LRP1B: variants seen among roughly 807,000 people sequenced by gnomAD.
LRP1B encodes LDL receptor related protein 1B, also known as low-density lipoprotein receptor-related protein 1B.
A neutral mutation model predicts 556.6 loss-of-function variants in LRP1B; 217 were observed. The ratio of observed to expected loss-of-function variants is 0.39; its 90% CI spans 0.35 to 0.44. The LOEUF (loss-of-function observed/expected upper bound fraction) is 0.44, where lower values mean the gene tolerates loss of function less well. LRP1B is among the 20% of genes least tolerant of loss of function. LRP1B has a pLI of 1.00. For missense variants in LRP1B, 5,053 were observed against 5,620.8 expected (o/e 0.90, Z 3.23); for synonymous variants, 2,047 against 1,865.8 (o/e 1.10, Z -2.50).
intron 6 of LRP1B, among the ~76,000 whole-genome samples, chr2:141,215,506 C>A (rs180676795): frequency 6.6e-6 from 1 of 152,182 alleles, no homozygotes; most frequent in African/African-American, 2.4e-5. Flanking sequence ...CAGAAGAAGA[C>A]AAGAAGATGA....
At chr2:141,020,373 T>C (rs1698030636) in intron 11 of LRP1B, among the ~76,000 whole-genome samples, 1 of 152,090 alleles carries the variant, frequency 6.6e-6, no homozygotes, top group Admixed American at 6.6e-5. Context: ...CAGATTTTAA[T>C]TGAACTTCAA....
intron 7 of LRP1B, among the ~76,000 whole-genome samples, chr2:141,085,607 C>G (rs570084233): frequency 1.3e-5 from 2 of 152,236 alleles, no homozygotes; most frequent in African/African-American, 4.8e-5. Context: ...GATCTGAGAC[C>G]AGCAGCCTTC....
chr2:141,908,192 G>GAT lies in LRP1B; in HGVS notation c.83-97793_83-97792dup, dbSNP rs1233996716. ...TTTCAATTTTGATCCCATAGCACTT[G>GAT]ATATATATATGTTATTTGTTCATTT... On this transcript the variant is annotated intron_variant, in intron 1 of 90. Transcript: ENST00000389484. 2.0e-5 allele frequency among the ~76,000 whole-genome samples: 3 copies of GAT among 152,076 alleles called. No individual in the cohort carries two copies. In the East Asian group the frequency reaches 5.8e-4, roughly 29 times the overall value.
At chr2:142,017,225 G>T (rs961462621) in intron 1 of LRP1B, among the ~76,000 whole-genome samples, 32 of 152,110 alleles carry the variant, frequency 2.1e-4, no homozygotes, top group African/African-American at 7.5e-4. Flanking sequence ...GGAAATTGAT[G>T]AAATTGATGC....
chr2:141,583,160 A>G (rs891314140), intron 2 of LRP1B, among the ~76,000 whole-genome samples: 3 of 152,102 alleles, frequency 2.0e-5, no homozygotes, highest in African/African-American at 7.2e-5. Flanking sequence ...TTATAAATTC[A>G]AGTCAAGTGA....
chr2:141,693,220 T>C (rs1458410232), intron 2 of LRP1B, among the ~76,000 whole-genome samples: 1 of 152,068 alleles, frequency 6.6e-6, no homozygotes, highest in Non-Finnish European at 1.5e-5. Context: ...CATTTTTTTC[T>C]TGCCCGTAAT....
At chr2:140,964,885 C>T (rs959637094) in intron 18 of LRP1B, among the ~76,000 whole-genome samples, 5 of 152,132 alleles carry the variant, frequency 3.3e-5, no homozygotes, top group African/African-American at 9.6e-5. Flanking sequence ...ACCCAGGAGG[C>T]GGAAGTCAAA....
chr2:140,332,880 A>G (rs1680883393), intron 79 of LRP1B, among the ~76,000 whole-genome samples: 1 of 152,118 alleles, frequency 6.6e-6, no homozygotes, highest in South Asian at 2.1e-4. Flanking sequence ...TTTAAAATAA[A>G]AACATGTTAC....
intron 26 of LRP1B, 70 bp from the exon 27 acceptor site, chr2:140,867,904 A>C (rs2105154868): frequency 7.0e-7 from 1 of 1,425,080 alleles, no homozygotes; most frequent in Non-Finnish European, 9.4e-7. Flanking sequence ...TAATCATGTA[A>C]CTCAGCTAAA....
chr2:140,798,104 G>T (rs1690380781), intron 32 of LRP1B, among the ~76,000 whole-genome samples: 1 of 151,984 alleles, frequency 6.6e-6, no homozygotes, highest in Admixed American at 6.6e-5. Context: ...AACTTGATTT[G>T]TTTATTTGCT....
chr2:140,951,734 T>C lies in LRP1B; in HGVS notation c.2968+126A>G, dbSNP rs1483778852. 1.6e-5 allele frequency: 11 copies of C among 672,150 alleles called. No individual in the cohort carries two copies. In the East Asian group the frequency reaches 3.0e-4, roughly 18 times the overall value. The allele number at this position is 672,150 out of a possible 1,614,324, so 41.6% of individuals were successfully genotyped here. A position where few individuals can be genotyped will look rare whatever the true frequency, so the allele number is the denominator to read the frequency against. ...GTGCTGCTAGCTGCCCGCTCACCAC[T>C]TGTTTTAGCCGTTTTTCTTGGCTCT... On this transcript the variant is annotated intron_variant, in intron 19 of 90. Coordinates refer to ENST00000389484, the MANE Select transcript of LRP1B (RefSeq NM_018557.3).
At chr2:140,249,382 T>C (rs1277806651) in intron 86 of LRP1B, among the ~76,000 whole-genome samples, 2 of 151,722 alleles carry the variant, frequency 1.3e-5, no homozygotes, top group Non-Finnish European at 3.0e-5. Flanking sequence ...GTTAATATTA[T>C]GGTATAATTT....
At position 140,867,926 on chromosome 2, in the gene LRP1B, G is replaced by T. The variant is rs188830324; in HGVS notation, c.4335-92C>A. 4.2e-3 allele frequency: 5,747 copies of T among 1,368,590 alleles called. 19 individuals are homozygous for T. Among genetic ancestry groups the T allele is most frequent in the Non-Finnish European group, 4.9e-3 (5,034 of 1,023,990 alleles). The allele number at this position is 1,368,590 out of a possible 1,614,324, so 84.8% of individuals were successfully genotyped here. A position where few individuals can be genotyped will look rare whatever the true frequency, so the allele number is the denominator to read the frequency against. On this transcript the variant is annotated intron_variant, in intron 26 of 90. Coordinates refer to ENST00000389484, the MANE Select transcript of LRP1B (RefSeq NM_018557.3). ...GTAACTCAGCTAAATGACAAAAAAG[G>T]TATTTTATAAATATTTTTATGGGTC...
At chr2:141,130,904 C>A (rs980050916) in intron 7 of LRP1B, among the ~76,000 whole-genome samples, 1 of 152,116 alleles carries the variant, frequency 6.6e-6, no homozygotes, top group Non-Finnish European at 1.5e-5. Flanking sequence ...AGCCATCATT[C>A]TCAGCAAACT....
chr2:140,491,968 T>C (rs904980551), intron 57 of LRP1B, among the ~76,000 whole-genome samples: 1 of 152,166 alleles, frequency 6.6e-6, no homozygotes, highest in Admixed American at 6.6e-5. Flanking sequence ...CAGGGCTCTC[T>C]ATCAATGCAG....
intron 3 of LRP1B, among the ~76,000 whole-genome samples, chr2:141,387,810 A>T (rs1461106104): frequency 6.6e-6 from 1 of 152,166 alleles, no homozygotes; most frequent in Non-Finnish European, 1.5e-5. Flanking sequence ...AATTCATTCA[A>T]TGAGATATGT....
chr2:141,530,149 A>G (rs1353510748), intron 2 of LRP1B, among the ~76,000 whole-genome samples: 1 of 152,082 alleles, frequency 6.6e-6, no homozygotes, highest in African/African-American at 2.4e-5. Flanking sequence ...AGGATTATTG[A>G]TTTTTCTAGC....
At chr2:141,191,873 TCCATTCAATGAC>T (rs1458322110) in intron 6 of LRP1B, among the ~76,000 whole-genome samples, 2 of 151,830 alleles carry the variant, frequency 1.3e-5, no homozygotes, top group Non-Finnish European at 2.9e-5. Context: ...TGTGCCAGAG[TCCATTCAATGAC>T]CCATCCCTCA....
chr2:141,092,113 C>T (rs1700184795), intron 7 of LRP1B, among the ~76,000 whole-genome samples: 1 of 152,104 alleles, frequency 6.6e-6, no homozygotes, highest in African/African-American at 2.4e-5. Flanking sequence ...TATCAATCAG[C>T]TTATGACAAA....
Sources: gnomAD v4.1 joint callset for allele counts (sites outside exome capture counted in the v4.1 genomes callset) on GRCh38, gnomAD v4.1.1 for gene constraint, MANE v1.5 for transcripts, NCBI Gene and HGNC (gene_info 2026-07-23, HGNC 2026-07-21) for gene names.